ASAP1: variants seen among roughly 807,000 people sequenced by gnomAD.
ASAP1 encodes the protein ArfGAP with SH3 domain, ankyrin repeat and PH domain 1.
ASAP1 carries 43 observed loss-of-function variants against 145.2 expected under a neutral mutation model. That is an observed-to-expected ratio of 0.30 (90% CI 0.23 to 0.38). The LOEUF (loss-of-function observed/expected upper bound fraction) is 0.38. Ranked by LOEUF, ASAP1 falls within the 10% of genes least tolerant of loss-of-function variation. The pLI is 1.00. For missense variants in ASAP1, 1,018 were observed against 1,355.3 expected (o/e 0.75, Z 3.91); for synonymous variants, 546 against 515.5 (o/e 1.06, Z -0.80).
At chr8:130,181,919 G>T (rs759780713) in intron 7 of ASAP1, among the ~76,000 whole-genome samples, 1 of 152,200 alleles carries the variant, frequency 6.6e-6, no homozygotes, top group African/African-American at 2.4e-5. Context: ...GGTGGTAGGG[G>T]AAACCAACTC....
At chr8:130,128,705 T>C (rs909672194) in intron 15 of ASAP1, among the ~76,000 whole-genome samples, 3 of 152,216 alleles carry the variant, frequency 2.0e-5, no homozygotes, top group African/African-American at 7.2e-5. Flanking sequence ...ATGACTACTG[T>C]ATGTCCCAAA....
chr8:130,319,849 C>T (rs1443358319), intron 3 of ASAP1, among the ~76,000 whole-genome samples: 2 of 151,988 alleles, frequency 1.3e-5, no homozygotes, highest in Non-Finnish European at 1.5e-5. Flanking sequence ...AATGACATGA[C>T]AAAAAAACTT....
At chr8:130,094,958 T>C (rs2097514122) in intron 24 of ASAP1, among the ~76,000 whole-genome samples, 1 of 152,202 alleles carries the variant, frequency 6.6e-6, no homozygotes, top group South Asian at 2.1e-4. Flanking sequence ...AATGGAGCCA[T>C]GTCTCTGAGC....
intron 4 of ASAP1, among the ~76,000 whole-genome samples, chr8:130,230,145 A>C (rs1462082438): frequency 6.6e-6 from 1 of 152,094 alleles, no homozygotes; most frequent in African/African-American, 2.4e-5. Context: ...AGTACTCACA[A>C]ATTTATTTTA....
chr8:130,315,985 G>A (rs1823641919), intron 3 of ASAP1, among the ~76,000 whole-genome samples: 2 of 152,154 alleles, frequency 1.3e-5, no homozygotes, highest in African/African-American at 2.4e-5. Flanking sequence ...CTTCGCCTGT[G>A]CCCTTCGGGT....
intron 5 of ASAP1, among the ~76,000 whole-genome samples, chr8:130,208,132 TAG>T (rs1448492881): frequency 2.6e-5 from 4 of 152,336 alleles, no homozygotes; most frequent in African/African-American, 9.6e-5. Flanking sequence ...GTAAAACTAG[TAG>T]AGAGGTCCCT....
intron 15 of ASAP1, among the ~76,000 whole-genome samples, chr8:130,130,753 T>TA (rs1819850181): frequency 1.3e-5 from 2 of 152,046 alleles, no homozygotes; most frequent in South Asian, 4.1e-4. Context: ...CTGCCTAAGG[T>TA]TAAAAAGCCA....
At chr8:130,144,568 C>T (rs1285919984) in intron 13 of ASAP1, among the ~76,000 whole-genome samples, 1 of 152,200 alleles carries the variant, frequency 6.6e-6, no homozygotes, top group Non-Finnish European at 1.5e-5. Context: ...TATAGCTTTA[C>T]TGTTTTGCCT....
rs948015012 is a variant in ASAP1 at position 130,053,450 on chromosome 8, G to C, written c.*1281C>G. The C allele has an allele frequency of 1.4e-4, 22 of 152,206 alleles. No homozygotes were observed. Among genetic ancestry groups the C allele is most frequent in the African/African-American group, 4.8e-4 (20 of 41,464 alleles). 9.4% of individuals were successfully genotyped at this position (152,206 alleles called of 1,614,324 possible). ...ATGGCTGGGATGAAAAGAAAACTGA[G>C]AGGGAAGAGTGCTTTTCACAGTGCA... is the stretch of plus-strand genomic sequence containing the variant. On this transcript the variant is annotated 3_prime_UTR_variant, in exon 30 of 30. Transcript: ENST00000518721.
At chr8:130,204,833 G>A (rs62525884) in intron 5 of ASAP1, among the ~76,000 whole-genome samples, 29,547 of 152,140 alleles carry the variant, frequency 0.19, 3,400 homozygotes, top group East Asian at 0.44. Flanking sequence ...TATTACTGCA[G>A]TATATCCTAG....
chr8:130,434,518 T>C (rs774938127), intron 1 of ASAP1, among the ~76,000 whole-genome samples: 4 of 152,130 alleles, frequency 2.6e-5, no homozygotes, highest in Non-Finnish European at 5.9e-5. Context: ...TAATGACACA[T>C]ATTAACGAGC....
intron 15 of ASAP1, among the ~76,000 whole-genome samples, chr8:130,128,456 C>T (rs538332775): frequency 2.4e-4 from 37 of 152,144 alleles, no homozygotes; most frequent in African/African-American, 8.9e-4. Context: ...ATGAGGGACC[C>T]ATCCAATGCA....
intron 12 of ASAP1, among the ~76,000 whole-genome samples, chr8:130,154,367 G>C (rs1244613653): frequency 6.6e-6 from 1 of 152,228 alleles, no homozygotes; most frequent in Non-Finnish European, 1.5e-5. Flanking sequence ...AAACTTGGAA[G>C]AGTTTTGTGT....
intron 11 of ASAP1, among the ~76,000 whole-genome samples, chr8:130,161,854 G>C (rs1026285833): frequency 1.3e-5 from 2 of 152,082 alleles, no homozygotes; most frequent in Non-Finnish European, 2.9e-5. Flanking sequence ...CAGGCTGAAT[G>C]CAATAGTGTG....
In ASAP1 at chr8:130,365,648, A is replaced by G. The variant is rs191799283; in HGVS notation, c.60-7505T>C. Among the ~76,000 whole-genome samples, 23 of 152,260 alleles carry G rather than the reference A, an allele frequency of 1.5e-4. No homozygotes were observed. In the East Asian group the frequency reaches 4.1e-3, roughly 27 times the overall value. Reference sequence around the variant, plus strand: ...TCAAGAATGAGAACGTTCCTCTTTTATGGCCCTTTTCAATGGTATCATTTT... The same window carrying G: ...TCAAGAATGAGAACGTTCCTCTTTTGTGGCCCTTTTCAATGGTATCATTTT... On this transcript the variant is annotated intron_variant, in intron 2 of 29. Coordinates refer to ENST00000518721, the MANE Select transcript of ASAP1 (RefSeq NM_018482.4).
At chr8:130,291,256 A>G (rs1821927616) in intron 3 of ASAP1, among the ~76,000 whole-genome samples, 1 of 152,212 alleles carries the variant, frequency 6.6e-6, no homozygotes, top group South Asian at 2.1e-4. Context: ...TTTGACACCC[A>G]AAGAAAAATG....
chr8:130,069,129 G>A (rs982324254), intron 27 of ASAP1, among the ~76,000 whole-genome samples: 1 of 152,166 alleles, frequency 6.6e-6, no homozygotes, highest in Non-Finnish European at 1.5e-5. Context: ...ATAAAACTAA[G>A]AAGAAAAAGA....
chr8:130,385,889 C>G (rs1285042539), intron 2 of ASAP1, among the ~76,000 whole-genome samples: 2 of 152,230 alleles, frequency 1.3e-5, no homozygotes, highest in Non-Finnish European at 2.9e-5. Context: ...CCCCCCACAT[C>G]CTTTGGTTCC....
At chr8:130,321,253 AC>A (rs1050039342) in intron 3 of ASAP1, among the ~76,000 whole-genome samples, 45 of 152,250 alleles carry the variant, frequency 3.0e-4, no homozygotes, top group Non-Finnish European at 5.6e-4. Flanking sequence ...CCTGGCATTT[AC>A]AACCCACTCT....
Sources: allele counts gnomAD v4.1 joint callset (sites outside exome capture counted in the v4.1 genomes callset), GRCh38; gene constraint gnomAD v4.1.1; transcripts MANE v1.5; gene names NCBI Gene and HGNC (gene_info 2026-07-23, HGNC 2026-07-21).